SINHCAF: variants seen among roughly 807,000 people sequenced by gnomAD.
SINHCAF encodes SIN3-HDAC complex-associated factor.
A neutral mutation model predicts 25.8 loss-of-function variants in SINHCAF; 3 were observed. The ratio of observed to expected loss-of-function variants is 0.12; its 90% CI spans 0.05 to 0.30. The LOEUF is 0.30. SINHCAF is among the 10% of genes least tolerant of loss of function. The pLI is 1.00. For missense variants in SINHCAF, 121 were observed against 262.3 expected (o/e 0.46, Z 3.72); for synonymous variants, 70 against 85.5 (o/e 0.82, Z 1.00).
At chr12:31,294,043 G>A in intron 3 of SINHCAF, 112 bp from the exon 4 acceptor site, 2 of 705,494 alleles carry the variant, frequency 2.8e-6, no homozygotes, top group Non-Finnish European at 4.4e-6. Context: ...AAAAGAGGAT[G>A]AAGCTCCATG....
chr12:31,320,745 G>T (rs1463781555), intron 1 of SINHCAF, among the ~76,000 whole-genome samples: 1 of 151,812 alleles, frequency 6.6e-6, no homozygotes, highest in Non-Finnish European at 1.5e-5. Flanking sequence ...TTTAACATTT[G>T]GTCTATAGAC....
chr12:31,297,024 C>A (rs1342997646), intron 2 of SINHCAF: 2 of 440,260 alleles, frequency 4.5e-6, no homozygotes, highest in African/African-American at 2.0e-5. Context: ...CCAGCCTAGG[C>A]AACATAGGAA....
chr12:31,288,882 C>T (rs992973012), intron 4 of SINHCAF, among the ~76,000 whole-genome samples: 1 of 152,050 alleles, frequency 6.6e-6, no homozygotes, highest in African/African-American at 2.4e-5. Flanking sequence ...GACAAAAATG[C>T]TTCAGTGAGC....
At chr12:31,302,460 C>T (rs2137102617) in intron 1 of SINHCAF, among the ~76,000 whole-genome samples, 1 of 149,490 alleles carries the variant, frequency 6.7e-6, no homozygotes, top group East Asian at 2.0e-4. Context: ...AACTCATCAT[C>T]TCGGATGCCA....
intron 1 of SINHCAF, among the ~76,000 whole-genome samples, chr12:31,312,275 T>C (rs1939300494): frequency 6.6e-6 from 1 of 152,238 alleles, no homozygotes; most frequent in African/African-American, 2.4e-5. Context: ...AGCATATCCA[T>C]TCTAGGGTCG....
Position 31,298,133 on chromosome 12 carries a change from G to C in SINHCAF, c.72C>G (p.Ser24=), listed in dbSNP as rs778866759. ...EGCCICRAKS[S]SSRFTDSKRY... ...GTTTACTGTCAGTGAATCGAGAACT[G>C]GAGGACTTAGCTCTGCAAATACAGC... The change falls in exon 2 of 6, where the codon TCC becomes TCG. Residue 24 remains serine, a synonymous_variant. Coordinates refer to ENST00000337682, the MANE Select transcript of SINHCAF (RefSeq NM_001135812.2). 1.9e-6 allele frequency: 3 copies of C among 1,614,142 alleles called. No homozygotes were observed. In the Admixed American group the frequency reaches 5.0e-5, roughly 27 times the overall value.
At chr12:31,312,036 A>G in intron 1 of SINHCAF, 1 of 601,586 alleles carries the variant, frequency 1.7e-6, no homozygotes, top group East Asian at 4.6e-5. Flanking sequence ...TTTTGATCAG[A>G]AAGAGGATGG....
At chr12:31,296,975 T>C (rs1239109730) in intron 2 of SINHCAF, 3 of 436,272 alleles carry the variant, frequency 6.9e-6, no homozygotes, top group Non-Finnish European at 1.4e-5. Flanking sequence ...TTCAAGGCTG[T>C]GGTGCACAAT....
chr12:31,293,684 C>T, intron 4 of SINHCAF, 121 bp downstream of exon 4: 1 of 776,766 alleles, frequency 1.3e-6, no homozygotes, highest in South Asian at 2.2e-5. Flanking sequence ...GTCAACGTTG[C>T]CTTCCAGTGC....
intron 1 of SINHCAF, among the ~76,000 whole-genome samples, chr12:31,320,477 C>T (rs1319607691): frequency 6.6e-6 from 1 of 152,136 alleles, no homozygotes; most frequent in Non-Finnish European, 1.5e-5. Context: ...CAATAGTAAA[C>T]CGCTGTAGAG....
intron 1 of SINHCAF, among the ~76,000 whole-genome samples, chr12:31,322,106 T>C (rs575239187): frequency 2.0e-5 from 3 of 152,276 alleles, no homozygotes; most frequent in Admixed American, 6.5e-5. Context: ...ATTCTACCAA[T>C]TGAACTTCGT....
intron 1 of SINHCAF, among the ~76,000 whole-genome samples, chr12:31,300,087 G>C (rs1221179307): frequency 6.6e-6 from 1 of 152,172 alleles, no homozygotes; most frequent in Non-Finnish European, 1.5e-5. Flanking sequence ...TATCTCGTCT[G>C]ATCCCATTCC....
chr12:31,316,513 A>G (rs1021207465), intron 1 of SINHCAF, among the ~76,000 whole-genome samples: 9 of 152,298 alleles, frequency 5.9e-5, no homozygotes, highest in Admixed American at 3.9e-4. Context: ...TATCAAAGAC[A>G]CAAAAGGGAC....
intron 1 of SINHCAF, among the ~76,000 whole-genome samples, chr12:31,299,243 G>GA: frequency 6.6e-6 from 1 of 152,274 alleles, no homozygotes; most frequent in East Asian, 1.9e-4. Flanking sequence ...GGACAAGTCA[G>GA]AGGATGTGTG....
intron 1 of SINHCAF, among the ~76,000 whole-genome samples, chr12:31,299,426 C>T (rs1938692962): frequency 6.6e-6 from 1 of 152,098 alleles, no homozygotes; most frequent in Non-Finnish European, 1.5e-5. Flanking sequence ...AAGTGATTCT[C>T]CTGCCTCAGC....
At chr12:31,295,415 CTGTATCTA>C (rs1482137715) in intron 2 of SINHCAF, 82 bp from the exon 3 acceptor site, 43 of 876,510 alleles carry the variant, frequency 4.9e-5, no homozygotes, top group Middle Eastern at 2.2e-4. Context: ...GGGGAAAAAA[CTGTATCTA>C]TGTATGGTTT....
intron 5 of SINHCAF, among the ~76,000 whole-genome samples, chr12:31,283,816 G>T (rs540989396): frequency 6.8e-6 from 1 of 147,884 alleles, no homozygotes; most frequent in Non-Finnish European, 1.5e-5. Flanking sequence ...TGGTTTCACC[G>T]TATGTTGGCA....
At chr12:31,319,215 A>C (rs905395471) in intron 1 of SINHCAF, among the ~76,000 whole-genome samples, 1 of 152,218 alleles carries the variant, frequency 6.6e-6, no homozygotes, top group African/African-American at 2.4e-5. Flanking sequence ...TAACCTCACT[A>C]ATCCTGTTTC....
Position 31,298,126 on chromosome 12 carries a change from G to A in SINHCAF, c.79C>T (p.Arg27Ter). The A allele has an allele frequency of 1.9e-6, 3 of 1,614,112 alleles. No homozygotes were observed. Among genetic ancestry groups the A allele is most frequent in the Non-Finnish European group, 2.5e-6 (3 of 1,179,994 alleles). The change falls in exon 2 of 6, where the codon CGA (arginine) becomes TGA (stop). Residue 27 changes from arginine (R) to a stop codon, truncating the protein, a stop_gained. Transcript: ENST00000337682. LOFTEE classifies it high-confidence loss of function. ...CICRAKSSSS[R>*]FTDSKRYEKD... The stretch of plus-strand genomic sequence containing the variant: ...TCATAGCGTTTACTGTCAGTGAATC[G>A]AGAACTGGAGGACTTAGCTCTGCAA...
Sources: allele counts gnomAD v4.1 joint callset (sites outside exome capture counted in the v4.1 genomes callset), GRCh38; gene constraint gnomAD v4.1.1; transcripts MANE v1.5; gene names NCBI Gene and HGNC (gene_info 2026-07-23, HGNC 2026-07-21).